Variants in MMP16 observed in about 807,000 individuals in gnomAD.
MMP16 encodes matrix metalloproteinase-16.
MMP16 carries 12 observed loss-of-function variants against 67.8 expected under a neutral mutation model. The ratio of observed to expected loss-of-function variants is 0.18; its 90% CI spans 0.11 to 0.29. The LOEUF (loss-of-function observed/expected upper bound fraction) is 0.29, where lower values mean the gene tolerates loss of function less well. Ranked by LOEUF, MMP16 falls within the 10% of genes least tolerant of loss-of-function variation. The pLI is 1.00. For synonymous variants in MMP16, 249 were observed against 255.9 expected (o/e 0.97, Z 0.26); for missense variants, 475 against 765.7 (o/e 0.62, Z 4.48).
At chr8:88,138,614 C>T (rs889642274) in intron 4 of MMP16, among the ~76,000 whole-genome samples, 3 of 151,962 alleles carry the variant, frequency 2.0e-5, no homozygotes, top group African/African-American at 7.2e-5. Flanking sequence ...CTCCTTATCT[C>T]CAGAAGATTC....
chr8:88,327,192 TGTGA>T lies in MMP16; in HGVS notation c.11_14del (p.Leu4HisfsTer69), dbSNP rs1563596938. On this transcript the variant is annotated frameshift_variant, in exon 1 of 10. Transcript: ENST00000286614. LOFTEE classifies it high-confidence loss of function. ...AATCCAACCGTCTTCCAGTGCTGAA[TGTGA>T]GTAAGATCATAGTGAACTGTGCTTC... 1.2e-6 allele frequency: 2 copies of T among 1,613,884 alleles called. No homozygotes were observed. Among genetic ancestry groups the T allele is most frequent in the Non-Finnish European group, 1.7e-6 (2 of 1,179,930 alleles).
chr8:88,164,069 G>A (rs1206189999), intron 4 of MMP16, among the ~76,000 whole-genome samples: 1 of 152,058 alleles, frequency 6.6e-6, no homozygotes, highest in Non-Finnish European at 1.5e-5. Flanking sequence ...TGAAGTAAGG[G>A]TTACTGGCAG....
chr8:88,299,462 C>T (rs529714029), intron 1 of MMP16, among the ~76,000 whole-genome samples: 5 of 152,108 alleles, frequency 3.3e-5, no homozygotes, highest in Middle Eastern at 3.4e-3. Context: ...TTCCATCACC[C>T]ACTTCTTCCT....
intron 1 of MMP16, among the ~76,000 whole-genome samples, chr8:88,303,231 C>T (rs1320179898): frequency 1.3e-5 from 2 of 152,168 alleles, no homozygotes; most frequent in Non-Finnish European, 2.9e-5. Context: ...TTTAAGGGCC[C>T]CACTTCCATA....
intron 4 of MMP16, among the ~76,000 whole-genome samples, chr8:88,134,925 T>C (rs1247102609): frequency 6.6e-6 from 1 of 151,678 alleles, no homozygotes; most frequent in Non-Finnish European, 1.5e-5. Flanking sequence ...AGTCTGTTCA[T>C]GTTTGGAAAA....
chr8:88,071,646 C>A (rs761511219), intron 7 of MMP16, among the ~76,000 whole-genome samples: 1 of 152,110 alleles, frequency 6.6e-6, no homozygotes, highest in African/African-American at 2.4e-5. Context: ...TAGGTTGACA[C>A]CAACTTGTAC....
intron 1 of MMP16, among the ~76,000 whole-genome samples, chr8:88,211,670 G>T (rs934559371): frequency 1.3e-5 from 2 of 151,970 alleles, no homozygotes; most frequent in African/African-American, 4.8e-5. Context: ...CCTAGACCAG[G>T]CTCTCTTTTA....
At chr8:88,077,470 T>C (rs1808670276) in intron 6 of MMP16, among the ~76,000 whole-genome samples, 1 of 152,182 alleles carries the variant, frequency 6.6e-6, no homozygotes, top group Admixed American at 6.5e-5. Flanking sequence ...CACCTCCCTT[T>C]CCTGTTGTAT....
chr8:88,255,309 G>A (rs75748324), intron 1 of MMP16, among the ~76,000 whole-genome samples: 1,941 of 152,168 alleles, frequency 0.013, 27 homozygotes, highest in African/African-American at 0.034. Context: ...TTCACCTTTC[G>A]CCATGATTGT....
chr8:88,281,691 A>C (rs1483310476), intron 1 of MMP16, among the ~76,000 whole-genome samples: 1 of 152,154 alleles, frequency 6.6e-6, no homozygotes, highest in Non-Finnish European at 1.5e-5. Flanking sequence ...TAGCTGTCCC[A>C]CACCTGGTAG....
At chr8:88,224,055 C>T (rs1007357391) in intron 1 of MMP16, among the ~76,000 whole-genome samples, 1 of 151,938 alleles carries the variant, frequency 6.6e-6, no homozygotes, top group Non-Finnish European at 1.5e-5. Flanking sequence ...CATTAAAAAA[C>T]TGCATTAGGT....
chr8:88,301,140 T>G (rs1398847320), intron 1 of MMP16, among the ~76,000 whole-genome samples: 2 of 152,158 alleles, frequency 1.3e-5, no homozygotes, highest in Non-Finnish European at 2.9e-5. Flanking sequence ...AAATGAGAAT[T>G]ATCTCTCATA....
chr8:88,142,588 T>C (rs1238432537), intron 4 of MMP16, among the ~76,000 whole-genome samples: 1 of 152,146 alleles, frequency 6.6e-6, no homozygotes, highest in Non-Finnish European at 1.5e-5. Context: ...TTTATATGAT[T>C]AAAAATATTA....
At chr8:88,081,869 T>G (rs908504170) in intron 6 of MMP16, among the ~76,000 whole-genome samples, 7 of 152,166 alleles carry the variant, frequency 4.6e-5, no homozygotes, top group Non-Finnish European at 1.0e-4. Context: ...AAGTTTAAGC[T>G]GTTGGATTTA....
At position 88,036,874 on chromosome 8, in the gene MMP16, A is replaced by T. The variant is rs1168785346; in HGVS notation, c.*4587T>A. On this transcript the variant is annotated 3_prime_UTR_variant, in exon 10 of 10. Coordinates refer to ENST00000286614, the MANE Select transcript of MMP16 (RefSeq NM_005941.5). ...AAAAGACCTTACCACCATCCAGAAG[A>T]TTGTTTCAGTATATACTACAATCTC... 6.6e-6 allele frequency: 1 copy of T among 151,664 alleles called. No homozygotes were observed. The highest frequency in any genetic ancestry group is 1.5e-5 in the Non-Finnish European group (1 of 67,762). 9.4% of individuals were successfully genotyped at this position (151,664 alleles called of 1,614,324 possible).
chr8:88,046,864 G>A (rs1452577597), intron 8 of MMP16, 80 bp from the exon 9 acceptor site: 2 of 868,366 alleles, frequency 2.3e-6, no homozygotes, highest in Non-Finnish European at 3.5e-6. Flanking sequence ...AATAATAGCT[G>A]ACATTTATTA....
chr8:88,257,425 C>A (rs1810321137), intron 1 of MMP16, among the ~76,000 whole-genome samples: 1 of 152,174 alleles, frequency 6.6e-6, no homozygotes, highest in Non-Finnish European at 1.5e-5. Flanking sequence ...AAAAATGTAG[C>A]TTCTGTGGAA....
intron 6 of MMP16, among the ~76,000 whole-genome samples, chr8:88,115,497 C>T (rs369824981): frequency 6.6e-6 from 1 of 151,770 alleles, no homozygotes; most frequent in Non-Finnish European, 1.5e-5. Context: ...CATATTATAT[C>T]GAATCCAGAT....
chr8:88,224,627 C>T (rs889739877), intron 1 of MMP16, among the ~76,000 whole-genome samples: 5 of 151,872 alleles, frequency 3.3e-5, no homozygotes, highest in Admixed American at 6.6e-5. Flanking sequence ...CAAGAATATA[C>T]AAATTCAAGC....
Sources: gnomAD v4.1 joint callset for allele counts (sites outside exome capture counted in the v4.1 genomes callset) on GRCh38, gnomAD v4.1.1 for gene constraint, MANE v1.5 for transcripts, NCBI Gene and HGNC (gene_info 2026-07-23, HGNC 2026-07-21) for gene names.